Variants in SKA2 observed in about 807,000 individuals in gnomAD.
SKA2 encodes spindle and kinetochore-associated protein 2.
SKA2 carries 13 observed loss-of-function variants against 16.9 expected under a neutral mutation model. The ratio of observed to expected loss-of-function variants is 0.77; its 90% CI spans 0.50 to 1.22. SKA2 has a LOEUF of 1.22. SKA2 is among the 50% of genes most tolerant of loss of function. SKA2 has a pLI of 0.00. For synonymous variants in SKA2, 47 were observed against 48.5 expected (o/e 0.97, Z 0.13); for missense variants, 107 against 139.7 (o/e 0.77, Z 1.18).
intron 1 of SKA2, chr17:59,137,635 C>T (rs960460458): frequency 1.3e-5 from 5 of 372,374 alleles, no homozygotes; most frequent in African/African-American, 2.3e-5. Flanking sequence ...GAAAAGTTAC[C>T]TTCTTCTAAT....
intron 1 of SKA2, 24 bp downstream of exon 1, chr17:59,155,107 A>G: frequency 1.2e-6 from 2 of 1,614,020 alleles, no homozygotes; most frequent in Non-Finnish European, 1.7e-6. Flanking sequence ...ACTACCCAGT[A>G]GATCTCCTTC....
chr17:59,110,935 A>T lies in SKA2; in HGVS notation c.*1342T>A, dbSNP rs2046260364. 1 of 152,186 alleles carries T rather than the reference A, an allele frequency of 6.6e-6. No individual in the cohort carries two copies. Among genetic ancestry groups the T allele is most frequent in the Non-Finnish European group, 1.5e-5 (1 of 68,034 alleles). The allele number at this position is 152,186 out of a possible 1,614,324, so 9.4% of individuals were successfully genotyped here. On this transcript the variant is annotated 3_prime_UTR_variant, in exon 4 of 4. Transcript: ENST00000330137. Reference sequence around the variant, plus strand: ...CAAACATGTTCATAACTGAAATTTTAAAATTACATAAAAGTATAATTCTAT... The same window carrying T: ...CAAACATGTTCATAACTGAAATTTTTAAATTACATAAAAGTATAATTCTAT...
chr17:59,145,631 T>C (rs1463652917), intron 1 of SKA2, among the ~76,000 whole-genome samples: 3 of 152,144 alleles, frequency 2.0e-5, no homozygotes, highest in Non-Finnish European at 4.4e-5. Context: ...AGTCAACATA[T>C]TTATCTGTGT....
At chr17:59,147,405 CACACACAT>C (rs2046542118) in intron 1 of SKA2, among the ~76,000 whole-genome samples, 1 of 151,254 alleles carries the variant, frequency 6.6e-6, no homozygotes, top group Non-Finnish European at 1.5e-5. Flanking sequence ...CACACACACA[CACACACAT>C]TTGGAATAAA....
At chr17:59,141,871 T>C (rs148072217) in intron 1 of SKA2, among the ~76,000 whole-genome samples, 1 of 152,264 alleles carries the variant, frequency 6.6e-6, no homozygotes, top group African/African-American at 2.4e-5. Flanking sequence ...AGGCTGAGTT[T>C]GGTGGCTTTG....
chr17:59,125,411 T>A (rs1369812700), intron 2 of SKA2, among the ~76,000 whole-genome samples: 3 of 151,690 alleles, frequency 2.0e-5, no homozygotes, highest in Non-Finnish European at 4.4e-5. Context: ...TGATAAAAGG[T>A]TACAAGAATG....
intron 1 of SKA2, among the ~76,000 whole-genome samples, chr17:59,142,927 CAAAAAA>C (rs111796693): frequency 3.3e-5 from 2 of 60,294 alleles, no homozygotes; most frequent in African/African-American, 5.3e-5. Flanking sequence ...AACCCCATCT[CAAAAAA>C]AAAAAAAAAA....
At chr17:59,142,291 G>GT (rs757348686) in intron 1 of SKA2, among the ~76,000 whole-genome samples, 4,997 of 136,848 alleles carry the variant, frequency 0.037, 137 homozygotes, top group African/African-American at 0.065. Flanking sequence ...TATATGGTGG[G>GT]TTTTTTTTTT....
At chr17:59,122,594 G>T (rs902725940) in intron 2 of SKA2, among the ~76,000 whole-genome samples, 1 of 152,060 alleles carries the variant, frequency 6.6e-6, no homozygotes, top group African/African-American at 2.4e-5. Flanking sequence ...CTGGGCGACA[G>T]AGCAAGACTC....
At chr17:59,139,169 G>A (rs1357899124) in intron 1 of SKA2, among the ~76,000 whole-genome samples, 1 of 151,990 alleles carries the variant, frequency 6.6e-6, no homozygotes, top group Non-Finnish European at 1.5e-5. Flanking sequence ...AGGCTGAGGC[G>A]GGCGGAGCAC....
At position 59,148,393 on chromosome 17, in the gene SKA2, T is replaced by A. The variant is rs540143668; in HGVS notation, c.33+6738A>T. ...AAGTTTGAGACCAGCCTGGGCAACA[T>A]AACAAGACCCCATCTCTAAAAAAAT... On this transcript the variant is annotated intron_variant, in intron 1 of 3. Coordinates refer to ENST00000330137, the MANE Select transcript of SKA2 (RefSeq NM_182620.4). 2.0e-5 allele frequency among the ~76,000 whole-genome samples: 3 copies of A among 152,056 alleles called. No individual in the cohort carries two copies. The South Asian group carries it at 6.2e-4, about 32-fold the overall frequency.
At position 59,119,324 on chromosome 17, in the gene SKA2, G is replaced by C. The variant is rs911861408; in HGVS notation, c.292C>G (p.Leu98Val). 6.2e-7 allele frequency: 1 copy of C among 1,613,632 alleles called. No individual in the cohort carries two copies. Among genetic ancestry groups the C allele is most frequent in the African/African-American group, 1.3e-5 (1 of 74,898 alleles). Residue 98 changes from leucine to valine, a missense_variant, in exon 3 of 4, where the codon CTG becomes GTG. Transcript: ENST00000330137. ...MIQKLQKQTDLELSPLTKEEK... is the reference protein window; with the variant it reads ...MIQKLQKQTDVELSPLTKEEK... Reference sequence around the variant, plus strand: ...CTGTCAACTGAAAGCATTACCTCCAGGTCTGTTTGCTTCTGTAGTTTTTGT... The same window carrying C: ...CTGTCAACTGAAAGCATTACCTCCACGTCTGTTTGCTTCTGTAGTTTTTGT...
At chr17:59,154,396 C>CAACGGG (rs1349250400) in intron 1 of SKA2, among the ~76,000 whole-genome samples, 2 of 152,146 alleles carry the variant, frequency 1.3e-5, no homozygotes, top group African/African-American at 2.4e-5. Context: ...ACGCCAGCAA[C>CAACGGG]AACGGGAGTG....
At position 59,112,056 on chromosome 17, in the gene SKA2, G is replaced by A. The variant is rs1053018375; in HGVS notation, c.*221C>T. 1.9e-6 allele frequency: 1 copy of A among 527,730 alleles called. No individual in the cohort carries two copies. Among genetic ancestry groups the A allele is most frequent in the South Asian group, 2.6e-5 (1 of 38,030 alleles). The allele number at this position is 527,730 out of a possible 1,614,324, so 32.7% of individuals were successfully genotyped here. ...ATGCGTGTGTACATATATTTAAATC[G>A]TTTTATTCTCATTTGATCCTTTTGG... On this transcript the variant is annotated 3_prime_UTR_variant, in exon 4 of 4. Transcript: ENST00000330137.
At chr17:59,142,699 G>C (rs2046500699) in intron 1 of SKA2, among the ~76,000 whole-genome samples, 3 of 151,744 alleles carry the variant, frequency 2.0e-5, no homozygotes, top group African/African-American at 7.2e-5. Context: ...AGCCGAGGTG[G>C]GTGGATCACC....
At chr17:59,126,106 G>A (rs1322349296) in intron 2 of SKA2, among the ~76,000 whole-genome samples, 1 of 152,046 alleles carries the variant, frequency 6.6e-6, no homozygotes. Context: ...GGGAGGCGGA[G>A]CTTGCAGTGA....
At chr17:59,117,237 A>G (rs942411939) in intron 3 of SKA2, among the ~76,000 whole-genome samples, 1 of 152,152 alleles carries the variant, frequency 6.6e-6, no homozygotes, top group African/African-American at 2.4e-5. Context: ...GTTTTTGGTT[A>G]TCAGCTCTAC....
At chr17:59,129,907 G>A (rs980406414) in intron 2 of SKA2, among the ~76,000 whole-genome samples, 1 of 139,982 alleles carries the variant, frequency 7.1e-6, no homozygotes, top group Non-Finnish European at 1.5e-5. Context: ...AAAAGAGGGA[G>A]GGAGGGAGGG....
intron 2 of SKA2, among the ~76,000 whole-genome samples, chr17:59,120,214 C>T (rs1034460739): frequency 4.0e-5 from 6 of 151,724 alleles, no homozygotes; most frequent in South Asian, 2.1e-4. Flanking sequence ...GGCCAAAATT[C>T]GTAAACATAC....
Sources: allele counts gnomAD v4.1 joint callset (sites outside exome capture counted in the v4.1 genomes callset), GRCh38; gene constraint gnomAD v4.1.1; transcripts MANE v1.5; gene names NCBI Gene and HGNC (gene_info 2026-07-23, HGNC 2026-07-21).